CYYR1: variants seen among roughly 807,000 people sequenced by gnomAD.
CYYR1 encodes the protein cysteine and tyrosine-rich protein 1.
Under a neutral mutation model 15.2 loss-of-function variants are expected in CYYR1, and 14 were observed. That is an observed-to-expected ratio of 0.92 (90% CI 0.61 to 1.44). CYYR1 has a LOEUF of 1.44. Among genes scored for constraint, CYYR1 ranks in the 40% most tolerant of loss-of-function variants. The pLI is 0.00. For missense variants in CYYR1, 228 were observed against 209.5 expected (o/e 1.09, Z -0.54); for synonymous variants, 80 against 77.4 (o/e 1.03, Z -0.18).
At chr21:26,510,117 C>A (rs533937433) in intron 2 of CYYR1, among the ~76,000 whole-genome samples, 1 of 150,412 alleles carries the variant, frequency 6.6e-6, no homozygotes, top group South Asian at 2.1e-4. Flanking sequence ...GGGGAAAATA[C>A]TTATCCTGCT....
chr21:26,486,211 C>T (rs956525192), intron 2 of CYYR1, among the ~76,000 whole-genome samples: 1 of 152,002 alleles, frequency 6.6e-6, no homozygotes, highest in East Asian at 1.9e-4. Flanking sequence ...TTTTACTGGT[C>T]TGTAGCACAT....
intron 2 of CYYR1, among the ~76,000 whole-genome samples, chr21:26,561,787 C>G (rs1980222198): frequency 6.6e-6 from 1 of 152,136 alleles, no homozygotes. Context: ...CCAAACTAGT[C>G]AATATTTTGT....
chr21:26,482,416 C>T, intron 2 of CYYR1: 1 of 985,290 alleles, frequency 1.0e-6, no homozygotes, highest in Non-Finnish European at 1.2e-6. Context: ...TTCTGTTCTG[C>T]TCCCCTGATG....
chr21:26,547,603 A>G (rs1272567061), intron 2 of CYYR1, among the ~76,000 whole-genome samples: 1 of 152,152 alleles, frequency 6.6e-6, no homozygotes, highest in Non-Finnish European at 1.5e-5. Flanking sequence ...CAACCACTCT[A>G]TGATTCTCTC....
chr21:26,481,554 T>G (rs1392953074), intron 2 of CYYR1, among the ~76,000 whole-genome samples: 2 of 152,100 alleles, frequency 1.3e-5, no homozygotes, highest in Non-Finnish European at 2.9e-5. Flanking sequence ...GCAAAAGACA[T>G]GATCTTGTTC....
At chr21:26,506,344 G>A (rs1261891557) in intron 2 of CYYR1, among the ~76,000 whole-genome samples, 1 of 152,116 alleles carries the variant, frequency 6.6e-6, no homozygotes, top group African/African-American at 2.4e-5. Context: ...CATTGAGGGG[G>A]CTTTCTCTTA....
chr21:26,489,381 G>T (rs1050940541), intron 2 of CYYR1, among the ~76,000 whole-genome samples: 4 of 152,092 alleles, frequency 2.6e-5, no homozygotes, highest in Non-Finnish European at 5.9e-5. Flanking sequence ...TTTAAGAACT[G>T]CCTGGTTAGC....
chr21:26,519,639 C>G (rs1374643584), intron 2 of CYYR1, among the ~76,000 whole-genome samples: 1 of 152,222 alleles, frequency 6.6e-6, no homozygotes, highest in African/African-American at 2.4e-5. Context: ...TGGCATAATC[C>G]TATCTCAGGT....
chr21:26,477,133 A>C (rs919144008), intron 3 of CYYR1, among the ~76,000 whole-genome samples: 1 of 152,124 alleles, frequency 6.6e-6, no homozygotes, highest in African/African-American at 2.4e-5. Flanking sequence ...TGCTCTCTGC[A>C]TTTATCTGAT....
rs954322422 is a variant in CYYR1 at position 26,562,715 on chromosome 21, C to T, written c.176+3551G>A. On this transcript the variant is annotated intron_variant, in intron 2 of 3. Transcript: ENST00000652641. ...CCATGTTGATGATCTGTTCCCTAAA[C>T]ATCTCCTCCTAAACACACACACACA... 2.7e-5 allele frequency among the ~76,000 whole-genome samples: 4 copies of T among 148,944 alleles called. No individual in the cohort carries two copies. The South Asian group carries it at 6.4e-4, about 24-fold the overall frequency.
chr21:26,552,701 C>T (rs1347820384), intron 2 of CYYR1, among the ~76,000 whole-genome samples: 1 of 152,054 alleles, frequency 6.6e-6, no homozygotes, highest in Non-Finnish European at 1.5e-5. Context: ...ATACTTAACT[C>T]TTCATCATCA....
At chr21:26,485,927 T>A (rs1445429160) in intron 2 of CYYR1, among the ~76,000 whole-genome samples, 1 of 152,144 alleles carries the variant, frequency 6.6e-6, no homozygotes. Context: ...CCTCTCTGCG[T>A]CCTTGCCAGT....
intron 2 of CYYR1, among the ~76,000 whole-genome samples, chr21:26,507,658 C>CA (rs963841401): frequency 6.6e-6 from 1 of 152,044 alleles, no homozygotes; most frequent in South Asian, 2.1e-4. Context: ...GATAAAATGC[C>CA]AAAAAACAGG....
chr21:26,564,544 T>G (rs999331122), intron 2 of CYYR1: 33 of 418,926 alleles, frequency 7.9e-5, no homozygotes, highest in Non-Finnish European at 1.1e-4. Flanking sequence ...ATATAGAACA[T>G]GTACCATAAA....
At chr21:26,563,995 AG>A (rs1247581593) in intron 2 of CYYR1, among the ~76,000 whole-genome samples, 2 of 152,204 alleles carry the variant, frequency 1.3e-5, no homozygotes, top group African/African-American at 2.4e-5. Context: ...AATAACCACA[AG>A]GGTTTACCTT....
chr21:26,497,283 G>A (rs1353065175), intron 2 of CYYR1, among the ~76,000 whole-genome samples: 1 of 152,102 alleles, frequency 6.6e-6, no homozygotes, highest in Non-Finnish European at 1.5e-5. Flanking sequence ...TATAGAAATA[G>A]TTTTGGATTA....
intron 1 of CYYR1, among the ~76,000 whole-genome samples, chr21:26,567,630 G>C (rs551530633): frequency 1.3e-3 from 193 of 152,072 alleles, no homozygotes; most frequent in Non-Finnish European, 2.3e-3. Context: ...ACATTTAAGA[G>C]TCACAAAATA....
chr21:26,469,531 G>T (rs764450088), intron 3 of CYYR1, among the ~76,000 whole-genome samples: 1 of 151,900 alleles, frequency 6.6e-6, no homozygotes, highest in Non-Finnish European at 1.5e-5. Flanking sequence ...ACATATTCAT[G>T]GGGTACAGAG....
At chr21:26,519,845 C>A (rs1233977316) in intron 2 of CYYR1, among the ~76,000 whole-genome samples, 2 of 151,842 alleles carry the variant, frequency 1.3e-5, no homozygotes, top group Non-Finnish European at 2.9e-5. Context: ...GGATCTAGAA[C>A]CAAGGATCAT....
Sources: gnomAD v4.1 joint callset for allele counts (sites outside exome capture counted in the v4.1 genomes callset) on GRCh38, gnomAD v4.1.1 for gene constraint, MANE v1.5 for transcripts, NCBI Gene and HGNC (gene_info 2026-07-23, HGNC 2026-07-21) for gene names.